INVS: variants seen among roughly 807,000 people sequenced by gnomAD.
The protein encoded by INVS is inversion of embryo turning homolog.
INVS carries 86 observed loss-of-function variants against 108.8 expected under a neutral mutation model. The ratio of observed to expected loss-of-function variants is 0.79; its 90% CI spans 0.66 to 0.95. The LOEUF (loss-of-function observed/expected upper bound fraction) is 0.95. Ranked by LOEUF, INVS falls within the 40% of genes least tolerant of loss-of-function variation. The pLI is 0.00. For missense variants in INVS, 1,169 were observed against 1,297.4 expected, an observed-to-expected ratio of 0.90 and a Z score of 1.52; for synonymous variants, 455 against 473.5, an observed-to-expected ratio of 0.96 and a Z score of 0.51.
At chr9:100,100,930 TATATATAA>T in intron 1 of INVS, among the ~76,000 whole-genome samples, 2 of 35,776 alleles carry the variant, frequency 5.6e-5, no homozygotes, top group African/African-American at 2.8e-4. Flanking sequence ...ATATATATAA[TATATATAA>T]TATATATACA....
At chr9:100,287,414 G>A (rs1486761200) in intron 13 of INVS, among the ~76,000 whole-genome samples, 2 of 152,174 alleles carry the variant, frequency 1.3e-5, no homozygotes, top group Non-Finnish European at 2.9e-5. Flanking sequence ...ACTAAGATGG[G>A]AGGAATTTTT....
At chr9:100,214,332 A>C (rs1830923779) in intron 3 of INVS, among the ~76,000 whole-genome samples, 1 of 152,192 alleles carries the variant, frequency 6.6e-6, no homozygotes, top group African/African-American at 2.4e-5. Flanking sequence ...AGGAGGCGCT[A>C]GATTACAGGG....
intron 3 of INVS, chr9:100,129,696 A>G (rs1490850299): frequency 8.4e-6 from 6 of 714,624 alleles, no homozygotes; most frequent in Non-Finnish European, 1.6e-5. Context: ...CAATCAGCAC[A>G]GGCAGGATCT....
At chr9:100,297,207 C>A in intron 15 of INVS, 61 bp downstream of exon 15, 1 of 1,286,974 alleles carries the variant, frequency 7.8e-7, no homozygotes, top group South Asian at 1.2e-5. Flanking sequence ...ACATCAGAAT[C>A]TGAAGTAGAA....
Position 100,256,858 on chromosome 9 carries a change from T to A in INVS, c.1464+3722T>A, listed in dbSNP as rs373065433. Among the ~76,000 whole-genome samples the A allele has an allele frequency of 3.9e-4, 59 of 152,340 alleles. No individual in the cohort carries two copies. In the East Asian group the frequency reaches 8.7e-3, roughly 22 times the overall value. On this transcript the variant is annotated intron_variant, in intron 10 of 16. Transcript: ENST00000262457. ...GTTGTCAATTTTGGAATAAGTGCAA[T>A]GTGGTACTGAGAAGAATGTATATTC...
Position 100,292,515 on chromosome 9 carries a change from C to T in INVS, c.2258C>T (p.Pro753Leu), listed in dbSNP as rs749423085. ...CCCTCCTGTATCAGGGTGGCTGGGC[C>T]TGATGAGAAAGGAGAGGACTCCAGG... Reference protein sequence around the residue: ...KQPSCIRVAGPDEKGEDSRRA... With the variant: ...KQPSCIRVAGLDEKGEDSRRA... Residue 753 changes from proline to leucine, a missense_variant, in exon 14 of 17, where the codon CCT becomes CTT. By Grantham distance (98) the Pro-to-Leu change is moderately conservative (BLOSUM62 -3). Coordinates refer to ENST00000262457, the MANE Select transcript of INVS (RefSeq NM_014425.5). The T allele has an allele frequency of 1.9e-6, 3 of 1,614,124 alleles. No homozygotes were observed. The highest frequency in any genetic ancestry group is 3.3e-5 in the Admixed American group (2 of 60,016).
intron 5 of INVS, among the ~76,000 whole-genome samples, chr9:100,237,986 C>T (rs1831743726): frequency 6.6e-6 from 1 of 152,118 alleles, no homozygotes; most frequent in African/African-American, 2.4e-5. Context: ...TCAAGTGATT[C>T]TCCTGCTTCA....
chr9:100,243,626 A>G (rs967306094), intron 7 of INVS, among the ~76,000 whole-genome samples: 2 of 152,182 alleles, frequency 1.3e-5, no homozygotes, highest in Admixed American at 6.6e-5. Context: ...ATCAAGAACC[A>G]GATTCATCCA....
intron 3 of INVS, among the ~76,000 whole-genome samples, chr9:100,225,768 C>T (rs886971699): frequency 4.0e-5 from 6 of 151,728 alleles, no homozygotes; most frequent in Non-Finnish European, 5.9e-5. Context: ...ATATTAGAAA[C>T]ATTCTAGATA....
intron 3 of INVS, among the ~76,000 whole-genome samples, chr9:100,172,201 T>C (rs1829563347): frequency 6.6e-6 from 1 of 152,148 alleles, no homozygotes; most frequent in Admixed American, 6.5e-5. Context: ...ATTGGACCCT[T>C]ACTTATGAAT....
At chr9:100,243,817 C>A (rs1279877529) in intron 7 of INVS, among the ~76,000 whole-genome samples, 2 of 152,120 alleles carry the variant, frequency 1.3e-5, no homozygotes, top group African/African-American at 4.8e-5. Context: ...CGAGAACAGC[C>A]TGGCCAACAT....
chr9:100,115,823 G>A (rs1316104435), intron 2 of INVS, among the ~76,000 whole-genome samples: 1 of 152,150 alleles, frequency 6.6e-6, no homozygotes, highest in Non-Finnish European at 1.5e-5. Flanking sequence ...TAATGGGATG[G>A]CTGGGTCAAA....
At chr9:100,142,151 G>A (rs968371806) in intron 3 of INVS, among the ~76,000 whole-genome samples, 8 of 152,148 alleles carry the variant, frequency 5.3e-5, no homozygotes, top group African/African-American at 1.9e-4. Flanking sequence ...AAGTTAAGCG[G>A]CGTTGAGAAG....
intron 12 of INVS, among the ~76,000 whole-genome samples, chr9:100,276,714 G>T (rs879689249): frequency 6.6e-6 from 1 of 151,960 alleles, no homozygotes; most frequent in Non-Finnish European, 1.5e-5. Flanking sequence ...TCACCATGTT[G>T]GCTAGGCTGG....
At chr9:100,293,582 A>C (rs560086833) in intron 14 of INVS, among the ~76,000 whole-genome samples, 1 of 152,310 alleles carries the variant, frequency 6.6e-6, no homozygotes, top group Admixed American at 6.5e-5. Context: ...TAACAGATTG[A>C]GTGACTAAAC....
chr9:100,105,966 G>A (rs974354741), intron 2 of INVS, among the ~76,000 whole-genome samples: 13 of 140,490 alleles, frequency 9.3e-5, no homozygotes, highest in Admixed American at 4.7e-4. Flanking sequence ...AAGATTGATA[G>A]CACCCCAAAT....
intron 16 of INVS, 103 bp from the exon 17 acceptor site, chr9:100,300,465 G>A (rs1052685968): frequency 2.2e-5 from 17 of 781,948 alleles, no homozygotes; most frequent in Non-Finnish European, 3.8e-5. Flanking sequence ...ATCATCCCAG[G>A]GATAGCCTAA....
intron 13 of INVS, among the ~76,000 whole-genome samples, chr9:100,289,826 A>AT (rs1833557552): frequency 6.6e-6 from 1 of 152,214 alleles, no homozygotes; most frequent in African/African-American, 2.4e-5. Flanking sequence ...AGCTACTATA[A>AT]CATCCCTGTG....
At chr9:100,254,384 G>T (rs1832345461) in intron 10 of INVS, among the ~76,000 whole-genome samples, 1 of 152,082 alleles carries the variant, frequency 6.6e-6, no homozygotes. Flanking sequence ...CACTCTGATG[G>T]TAGTTTCTTT....
Sources: allele counts gnomAD v4.1 joint callset (sites outside exome capture counted in the v4.1 genomes callset), GRCh38; gene constraint gnomAD v4.1.1; transcripts MANE v1.5; gene names NCBI Gene and HGNC (gene_info 2026-07-23, HGNC 2026-07-21).